The following TENT2 variants were observed in gnomAD, a reference collection of about 807,000 sequenced individuals.
The protein encoded by TENT2 is poly(A) RNA polymerase GLD2.
Under a neutral mutation model 72.2 loss-of-function variants are expected in TENT2, and 44 were observed. The ratio of observed to expected loss-of-function variants is 0.61; its 90% CI spans 0.48 to 0.78. TENT2 has a LOEUF of 0.78. Among genes scored for constraint, TENT2 ranks in the 30% least tolerant of loss-of-function variants. TENT2 has a pLI of 0.00. For synonymous variants in TENT2, 212 were observed against 192.5 expected (o/e 1.10, Z -0.84); for missense variants, 541 against 569.6 (o/e 0.95, Z 0.51).
intron 3 of TENT2, among the ~76,000 whole-genome samples, chr5:79,622,472 A>G (rs1320972342): frequency 6.6e-6 from 1 of 152,162 alleles, no homozygotes; most frequent in African/African-American, 2.4e-5. Context: ...TATTTTGCAA[A>G]TACTAAAACC....
In TENT2 at chr5:79,688,098, A is replaced by C. The variant is rs575269957; in HGVS notation, c.*2825A>C. Among the ~76,000 whole-genome samples the C allele has an allele frequency of 6.6e-5, 10 of 152,166 alleles. No individual in the cohort carries two copies. Among genetic ancestry groups the C allele is most frequent in the Non-Finnish European group, 1.5e-4 (10 of 68,028 alleles). On this transcript the variant is annotated 3_prime_UTR_variant, in exon 15 of 15. Coordinates refer to ENST00000453514, the MANE Select transcript of TENT2 (RefSeq NM_001114394.3). ...CACTAGCTGATGTATCTGTACTGTA[A>C]TTCAATGATTTACAGTTCATTACCT... is the stretch of plus-strand genomic sequence containing the variant.
intron 1 of TENT2, among the ~76,000 whole-genome samples, chr5:79,613,765 A>C (rs904466114): frequency 1.3e-5 from 2 of 152,220 alleles, no homozygotes; most frequent in Non-Finnish European, 2.9e-5. Context: ...ATTCTTAACC[A>C]AAAGGAATAT....
At chr5:79,680,955 A>G (rs1189459179) in intron 13 of TENT2, among the ~76,000 whole-genome samples, 5 of 151,662 alleles carry the variant, frequency 3.3e-5, no homozygotes, top group Non-Finnish European at 7.4e-5. Flanking sequence ...CTGTCTCTCT[A>G]TATGGATTCT....
rs553954262 is a variant in TENT2, at chr5:79,629,176, T to C, written c.465+5687T>C. Among the ~76,000 whole-genome samples, 3 of 152,342 alleles carry C rather than the reference T, an allele frequency of 2.0e-5. No homozygotes were observed. The South Asian group carries it at 6.2e-4, about 32-fold the overall frequency. ...GGGGTTTTTTCTTTGTTGTGACAGT[T>C]ATAATTCTACAGTTATAGCTCCATG... is the stretch of plus-strand genomic sequence containing the variant. On this transcript the variant is annotated intron_variant, in intron 4 of 14. Coordinates refer to ENST00000453514, the MANE Select transcript of TENT2 (RefSeq NM_001114394.3).
chr5:79,624,694 A>T (rs1390172576), intron 4 of TENT2, among the ~76,000 whole-genome samples: 1 of 152,158 alleles, frequency 6.6e-6, no homozygotes, highest in Non-Finnish European at 1.5e-5. Flanking sequence ...TTCATTTAGC[A>T]TGTTTTCAAG....
At chr5:79,622,648 A>C (rs1766028499) in intron 3 of TENT2, among the ~76,000 whole-genome samples, 1 of 152,178 alleles carries the variant, frequency 6.6e-6, no homozygotes, top group Non-Finnish European at 1.5e-5. Flanking sequence ...AAAACATGTC[A>C]GCTTATTCCT....
intron 13 of TENT2, among the ~76,000 whole-genome samples, chr5:79,680,788 A>AT (rs1399557801): frequency 2.0e-5 from 3 of 151,826 alleles, no homozygotes; most frequent in Non-Finnish European, 4.4e-5. Context: ...TCTTCTGTGC[A>AT]TTTTTCCTCC....
At chr5:79,643,427 A>G (rs1408077560) in intron 7 of TENT2, among the ~76,000 whole-genome samples, 1 of 152,190 alleles carries the variant, frequency 6.6e-6, no homozygotes. Context: ...TTTTGAATAC[A>G]CTGACTCTAA....
At chr5:79,622,926 C>T (rs890896002) in intron 3 of TENT2, among the ~76,000 whole-genome samples, 1 of 152,138 alleles carries the variant, frequency 6.6e-6, no homozygotes, top group South Asian at 2.1e-4. Context: ...TTTGGATCTT[C>T]TTAGTAATTC....
chr5:79,629,743 C>T (rs1187075510), intron 4 of TENT2, among the ~76,000 whole-genome samples: 3 of 151,542 alleles, frequency 2.0e-5, no homozygotes, highest in Non-Finnish European at 2.9e-5. Context: ...AGGAGAATGG[C>T]GTGAACCCAG....
intron 1 of TENT2, chr5:79,615,186 A>G (rs1305500682): frequency 6.6e-6 from 1 of 152,202 alleles, no homozygotes; most frequent in African/African-American, 2.4e-5. Context: ...GCTGGGGATA[A>G]TTTGGTCATT....
At chr5:79,684,047 T>G (rs1184508588) in intron 14 of TENT2, among the ~76,000 whole-genome samples, 2 of 152,080 alleles carry the variant, frequency 1.3e-5, no homozygotes, top group Non-Finnish European at 2.9e-5. Flanking sequence ...TACATTGGTG[T>G]TCTTATTGAT....
At chr5:79,618,996 A>G (rs1762643254) in intron 1 of TENT2, among the ~76,000 whole-genome samples, 1 of 152,188 alleles carries the variant, frequency 6.6e-6, no homozygotes, top group African/African-American at 2.4e-5. Context: ...CAGCCTTGAT[A>G]TATTGGTCAC....
intron 12 of TENT2, among the ~76,000 whole-genome samples, chr5:79,674,338 C>T (rs1285092341): frequency 2.6e-5 from 4 of 152,120 alleles, no homozygotes; most frequent in Admixed American, 6.5e-5. Flanking sequence ...GCCGAGATCG[C>T]GCCACCGCAC....
chr5:79,681,002 G>T (rs1369100100), intron 13 of TENT2, among the ~76,000 whole-genome samples: 1 of 151,972 alleles, frequency 6.6e-6, no homozygotes, highest in Non-Finnish European at 1.5e-5. Context: ...GGATGGTGGT[G>T]TGAACATGGA....
At chr5:79,615,758 G>C (rs1759270355) in intron 1 of TENT2, among the ~76,000 whole-genome samples, 1 of 150,742 alleles carries the variant, frequency 6.6e-6, no homozygotes, top group Non-Finnish European at 1.5e-5. Flanking sequence ...TGACCAGGCT[G>C]GAGTGCAGTG....
chr5:79,656,675 TTATG>T lies in TENT2; in HGVS notation c.1028-277_1028-274del, dbSNP rs1392424357. Among the ~76,000 whole-genome samples the T allele has an allele frequency of 2.6e-5, 4 of 152,012 alleles. No homozygotes were observed. In the East Asian group the frequency reaches 7.7e-4, roughly 29 times the overall value. On this transcript the variant is annotated intron_variant, in intron 10 of 14. Coordinates refer to ENST00000453514, the MANE Select transcript of TENT2 (RefSeq NM_001114394.3). ...GTGTGTATGTCTGATGTTGGACAAA[TTATG>T]TATGTCCCTTTATTGATAGCCTATT...
At chr5:79,620,848 G>A in intron 3 of TENT2, among the ~76,000 whole-genome samples, 1 of 152,092 alleles carries the variant, frequency 6.6e-6, no homozygotes, top group Non-Finnish European at 1.5e-5. Flanking sequence ...TCTCACACAG[G>A]TAAGGTTCCA....
rs1253548106 is a variant in TENT2, at chr5:79,688,122, C to G, written c.*2849C>G. On this transcript the variant is annotated 3_prime_UTR_variant, in exon 15 of 15. Coordinates refer to ENST00000453514, the MANE Select transcript of TENT2 (RefSeq NM_001114394.3). ...AATTCAATGATTTACAGTTCATTAC[C>G]TCCAGACATAATGCATGCATACCAG... Among the ~76,000 whole-genome samples the G allele has an allele frequency of 6.6e-6, 1 of 152,132 alleles. No individual in the cohort carries two copies. Among genetic ancestry groups the G allele is most frequent in the Non-Finnish European group, 1.5e-5 (1 of 68,032 alleles).
Sources: allele counts gnomAD v4.1 joint callset (sites outside exome capture counted in the v4.1 genomes callset), GRCh38; gene constraint gnomAD v4.1.1; transcripts MANE v1.5; gene names NCBI Gene and HGNC (gene_info 2026-07-23, HGNC 2026-07-21).